The following SMIM12 variants were observed in gnomAD, a reference collection of about 807,000 sequenced individuals.
The protein encoded by SMIM12 is small integral membrane protein 12, also known as UPF0767 protein C1orf212.
A neutral mutation model predicts 6.3 loss-of-function variants in SMIM12; 5 were observed. The observed-to-expected ratio is 0.80, with a 90% CI of 0.42 to 1.68. The LOEUF (loss-of-function observed/expected upper bound fraction) is 1.68, where lower values mean the gene tolerates loss of function less well. Ranked by LOEUF, SMIM12 falls within the 40% of genes most tolerant of loss-of-function variation. The pLI is 0.02. For missense variants in SMIM12, 103 were observed against 121.4 expected (o/e 0.85, Z 0.71); for synonymous variants, 51 against 48.0 (o/e 1.06, Z -0.26).
chr1:34,854,965 T>C lies in SMIM12; in HGVS notation c.*734A>G. The C allele has an allele frequency of 1.0e-6, 1 of 962,414 alleles. No individual in the cohort carries two copies. The allele number at this position is 962,414 out of a possible 1,614,324, so 59.6% of individuals were successfully genotyped here. A position where few individuals can be genotyped will look rare whatever the true frequency, so the allele number is the denominator to read the frequency against. ...CCTTGGCACCCTTTAATACCAATGT[T>C]ATCCTGCTCTAAAATGCCTGTACTT... is the stretch of plus-strand genomic sequence containing the variant. On this transcript the variant is annotated 3_prime_UTR_variant, in exon 2 of 2. Transcript: ENST00000521580.
chr1:34,856,162 C>T (rs1187031062), intron 1 of SMIM12, among the ~76,000 whole-genome samples, 180 bp from the exon 2 acceptor site: 3 of 151,732 alleles, frequency 2.0e-5, no homozygotes, highest in Non-Finnish European at 4.4e-5. Flanking sequence ...CTCACCGCAC[C>T]CTCCACCTCC....
intron 1 of SMIM12, 101 bp from the exon 2 acceptor site, chr1:34,856,083 ATT>A (rs11383879): frequency 7.3e-4 from 748 of 1,027,068 alleles, no homozygotes; most frequent in South Asian, 8.0e-4. Flanking sequence ...GCCTGGCACA[ATT>A]TTTTTTTTTT....
intron 1 of SMIM12, chr1:34,856,660 AC>A (rs1638664075): frequency 6.6e-6 from 1 of 152,216 alleles, no homozygotes; most frequent in Admixed American, 6.5e-5. Context: ...CTCCATGAGC[AC>A]AGCCGGCCAC....
chr1:34,851,747 C>T lies in SMIM12; in HGVS notation c.*3952G>A, dbSNP rs886377716. On this transcript the variant is annotated 3_prime_UTR_variant, in exon 2 of 2. Transcript: ENST00000521580. ...CTGCAGGGAGAGAAGTGATTCCTGC[C>T]GTGCTCGGAGAGGACCCTATACTAA... 3.3e-5 allele frequency among the ~76,000 whole-genome samples: 5 copies of T among 152,174 alleles called. No homozygotes were observed. Among genetic ancestry groups the T allele is most frequent in the African/African-American group, 7.2e-5 (3 of 41,442 alleles).
At position 34,851,828 on chromosome 1, in the gene SMIM12, C is replaced by T. The variant is rs1640938504; in HGVS notation, c.*3871G>A. 6.6e-6 allele frequency among the ~76,000 whole-genome samples: 1 copy of T among 152,174 alleles called. No individual in the cohort carries two copies. The highest frequency in any genetic ancestry group is 1.5e-5 in the Non-Finnish European group (1 of 68,032). ...CGGGGGTAAGCGGGGAGCAAAAAGC[C>T]CCAAGCACATCCACTCACTCATGTG... On this transcript the variant is annotated 3_prime_UTR_variant, in exon 2 of 2. Coordinates refer to ENST00000521580, the MANE Select transcript of SMIM12 (RefSeq NM_138428.6).
chr1:34,853,066 A>T lies in SMIM12; in HGVS notation c.*2633T>A, dbSNP rs1013219493. The T allele has an allele frequency of 1.6e-4, 24 of 152,378 alleles. No homozygotes were observed. Among genetic ancestry groups the T allele is most frequent in the African/African-American group, 5.5e-4 (23 of 41,554 alleles). 9.4% of individuals were successfully genotyped at this position (152,378 alleles called of 1,614,324 possible). A position where few individuals can be genotyped will look rare whatever the true frequency, so the allele number is the denominator to read the frequency against. ...CATTTCCGCATTCCCACTAGGCCTCAGGGAGCCTTAGAAGAAGCCAACGAC... is the reference window on the plus strand; with the variant it reads ...CATTTCCGCATTCCCACTAGGCCTCTGGGAGCCTTAGAAGAAGCCAACGAC... On this transcript the variant is annotated 3_prime_UTR_variant, in exon 2 of 2. Coordinates refer to ENST00000521580, the MANE Select transcript of SMIM12 (RefSeq NM_138428.6).
chr1:34,855,575 G>A lies in SMIM12; in HGVS notation c.*124C>T, dbSNP rs542025856. 2 of 1,613,084 alleles carry A rather than the reference G, an allele frequency of 1.2e-6. No homozygotes were observed. The highest frequency in any genetic ancestry group is 1.1e-5 in the South Asian group (1 of 90,266). ...AGGAGCAGCCAGTATTTGTGTGGCTGTGTGGTGTGGGAAGGGCCAGAATAA... is the reference window on the plus strand; with the variant it reads ...AGGAGCAGCCAGTATTTGTGTGGCTATGTGGTGTGGGAAGGGCCAGAATAA... On this transcript the variant is annotated 3_prime_UTR_variant, in exon 2 of 2. Transcript: ENST00000521580.
intron 1 of SMIM12, chr1:34,857,874 A>G (rs1440930517): frequency 6.6e-6 from 1 of 152,194 alleles, no homozygotes; most frequent in Non-Finnish European, 1.5e-5. Flanking sequence ...TTAGATTCTC[A>G]TAAGGGGCAC....
chr1:34,857,934 G>A (rs1638704490), intron 1 of SMIM12: 1 of 152,152 alleles, frequency 6.6e-6, no homozygotes, highest in Admixed American at 6.5e-5. Context: ...TTGCACTCCT[G>A]TGAGAATCTA....
rs1432413987 is a variant in SMIM12, at chr1:34,852,317, G to T, written c.*3382C>A. On this transcript the variant is annotated 3_prime_UTR_variant, in exon 2 of 2. Transcript: ENST00000521580. The stretch of plus-strand genomic sequence containing the variant: ...GATCTGAAAATCCAAAAATGTCCAT[G>T]GGAAATGTGTTTGCTATTATTTCTG... 6.6e-6 allele frequency among the ~76,000 whole-genome samples: 1 copy of T among 152,114 alleles called. No homozygotes were observed. The highest frequency in any genetic ancestry group is 1.5e-5 in the Non-Finnish European group (1 of 68,022).
At chr1:34,859,222 G>T (rs1413418169) in intron 1 of SMIM12, among the ~76,000 whole-genome samples, 3 of 152,248 alleles carry the variant, frequency 2.0e-5, no homozygotes, top group Non-Finnish European at 4.4e-5. Context: ...CAACTGGGCT[G>T]CTGGGAAACC....
chr1:34,853,800 T>C lies in SMIM12; in HGVS notation c.*1899A>G, dbSNP rs917844564. On this transcript the variant is annotated 3_prime_UTR_variant, in exon 2 of 2. Coordinates refer to ENST00000521580, the MANE Select transcript of SMIM12 (RefSeq NM_138428.6). ...AAGTTTGAGACCAGCCTGACCAACA[T>C]GGTGAAACCCTGTCTCTACTAAAAA... 1.3e-5 allele frequency: 2 copies of C among 150,350 alleles called. No individual in the cohort carries two copies. Among genetic ancestry groups the C allele is most frequent in the Non-Finnish European group, 3.0e-5 (2 of 67,780 alleles). The allele number at this position is 150,350 out of a possible 1,614,324, so 9.3% of individuals were successfully genotyped here.
Position 34,855,572 on chromosome 1 carries a change from G to C in SMIM12, c.*127C>G. 1.2e-6 allele frequency: 2 copies of C among 1,613,018 alleles called. No individual in the cohort carries two copies. Among genetic ancestry groups the C allele is most frequent in the Non-Finnish European group, 1.7e-6 (2 of 1,179,840 alleles). Reference sequence around the variant, plus strand: ...TCAAGGAGCAGCCAGTATTTGTGTGGCTGTGTGGTGTGGGAAGGGCCAGAA... The same window carrying C: ...TCAAGGAGCAGCCAGTATTTGTGTGCCTGTGTGGTGTGGGAAGGGCCAGAA... On this transcript the variant is annotated 3_prime_UTR_variant, in exon 2 of 2. Coordinates refer to ENST00000521580, the MANE Select transcript of SMIM12 (RefSeq NM_138428.6).
rs746028031 is a variant in SMIM12, at chr1:34,855,449, C to G, written c.*250G>C. On this transcript the variant is annotated 3_prime_UTR_variant, in exon 2 of 2. Coordinates refer to ENST00000521580, the MANE Select transcript of SMIM12 (RefSeq NM_138428.6). ...TCATAACTCTCCTCCCAGCAGTGCA[C>G]CAGTAAACTCAGATGCCTGAGTGCT... is the stretch of plus-strand genomic sequence containing the variant. 1 of 1,581,856 alleles carries G rather than the reference C, an allele frequency of 6.3e-7. No individual in the cohort carries two copies. Among genetic ancestry groups the G allele is most frequent in the Non-Finnish European group, 8.6e-7 (1 of 1,159,538 alleles).
In SMIM12 at chr1:34,855,166, T is replaced by G; in HGVS notation, c.*533A>C. ...TTCGTCCCTGCCCCAAAGTGAACAG[T>G]CTGGGCTTCCCAGAACAGAAAAGTG... On this transcript the variant is annotated 3_prime_UTR_variant, in exon 2 of 2. Transcript: ENST00000521580. 7.3e-7 allele frequency: 1 copy of G among 1,367,002 alleles called. No homozygotes were observed. Among genetic ancestry groups the G allele is most frequent in the South Asian group, 1.1e-5 (1 of 87,874 alleles). 84.7% of individuals were successfully genotyped at this position (1,367,002 alleles called of 1,614,324 possible).
Position 34,850,749 on chromosome 1 carries a change from G to C in SMIM12, c.*4950C>G, listed in dbSNP as rs557336977. ...AGTAGAGGTGAAGCGGCATACCCCA[G>C]GTCATCACTCAGATCGCTTGCCTCC... On this transcript the variant is annotated 3_prime_UTR_variant, in exon 2 of 2. Transcript: ENST00000521580. 1 of 152,264 alleles carries C rather than the reference G, an allele frequency of 6.6e-6. No homozygotes were observed. The highest frequency in any genetic ancestry group is 6.5e-5 in the Admixed American group (1 of 15,288). 9.4% of individuals were successfully genotyped at this position (152,264 alleles called of 1,614,324 possible).
In SMIM12 at chr1:34,855,100, G is replaced by C. The variant is rs1348760564; in HGVS notation, c.*599C>G. 3.8e-6 allele frequency: 5 copies of C among 1,322,544 alleles called. No homozygotes were observed. In the South Asian group the frequency reaches 6.3e-5, roughly 17 times the overall value. 81.9% of individuals were successfully genotyped at this position (1,322,544 alleles called of 1,614,324 possible). A position where few individuals can be genotyped will look rare whatever the true frequency, so the allele number is the denominator to read the frequency against. ...TTTTCACTATACAGTGATGGGGGTA[G>C]AAGATGGTGACTGTTTTCAAGCAAA... On this transcript the variant is annotated 3_prime_UTR_variant, in exon 2 of 2. Transcript: ENST00000521580.
chr1:34,855,324 A>AAG lies in SMIM12; in HGVS notation c.*374_*375insCT. ...ATTCTTTCCAGTGCAGACTGGAACT[A>AAG]GACATGCAGGTATCCCTCCTAAAGG... On this transcript the variant is annotated 3_prime_UTR_variant, in exon 2 of 2. Coordinates refer to ENST00000521580, the MANE Select transcript of SMIM12 (RefSeq NM_138428.6). 7.1e-7 allele frequency: 1 copy of AAG among 1,401,424 alleles called. No homozygotes were observed. Among genetic ancestry groups the AAG allele is most frequent in the Non-Finnish European group, 9.6e-7 (1 of 1,044,456 alleles). 86.8% of individuals were successfully genotyped at this position (1,401,424 alleles called of 1,614,324 possible). A position where few individuals can be genotyped will look rare whatever the true frequency, so the allele number is the denominator to read the frequency against.
rs1571605715 is a variant in SMIM12, at chr1:34,850,581, C to G, written c.*5118G>C. On this transcript the variant is annotated 3_prime_UTR_variant, in exon 2 of 2. Coordinates refer to ENST00000521580, the MANE Select transcript of SMIM12 (RefSeq NM_138428.6). ...TGTATTTTATTATTCAGACTGGCTG[C>G]CATCCCAACTAGATAAAGGAGGTTT... is the stretch of plus-strand genomic sequence containing the variant. 1 of 144,714 alleles carries G rather than the reference C, an allele frequency of 6.9e-6. No individual in the cohort carries two copies. The highest frequency in any genetic ancestry group is 1.6e-5 in the Non-Finnish European group (1 of 63,550). 9.0% of individuals were successfully genotyped at this position (144,714 alleles called of 1,614,324 possible). A position where few individuals can be genotyped will look rare whatever the true frequency, so the allele number is the denominator to read the frequency against.
Sources: gnomAD v4.1 joint callset for allele counts (sites outside exome capture counted in the v4.1 genomes callset) on GRCh38, gnomAD v4.1.1 for gene constraint, MANE v1.5 for transcripts, NCBI Gene and HGNC (gene_info 2026-07-23, HGNC 2026-07-21) for gene names.